The following GUCY1A2 variants were observed in gnomAD, a reference collection of about 807,000 sequenced individuals.
GUCY1A2 encodes the protein guanylate cyclase 1 soluble subunit alpha 2.
GUCY1A2 carries 27 observed loss-of-function variants against 63.5 expected under a neutral mutation model. That is an observed-to-expected ratio of 0.43 (90% CI 0.31 to 0.59). The LOEUF (loss-of-function observed/expected upper bound fraction) is 0.59. Ranked by LOEUF, GUCY1A2 falls within the 20% of genes least tolerant of loss-of-function variation. GUCY1A2 has a pLI of 0.11. For synonymous variants in GUCY1A2, 364 were observed against 343.5 expected, an observed-to-expected ratio of 1.06 and a Z score of -0.66; for missense variants, 768 against 913.3, an observed-to-expected ratio of 0.84 and a Z score of 2.05.
At chr11:106,998,880 A>G (rs1425538604) in intron 1 of GUCY1A2, among the ~76,000 whole-genome samples, 1 of 152,158 alleles carries the variant, frequency 6.6e-6, no homozygotes. Flanking sequence ...TTTTGTTTTT[A>G]CTTCCCAATG....
At chr11:106,932,426 CTAAT>C (rs1424894198) in intron 4 of GUCY1A2, among the ~76,000 whole-genome samples, 2 of 152,210 alleles carry the variant, frequency 1.3e-5, no homozygotes, top group Admixed American at 6.5e-5. Flanking sequence ...TAACCTTATA[CTAAT>C]TTTTAAAAAC....
chr11:107,002,823 T>A (rs1248581425), intron 1 of GUCY1A2, among the ~76,000 whole-genome samples: 1 of 152,136 alleles, frequency 6.6e-6, no homozygotes, highest in Non-Finnish European at 1.5e-5. Context: ...TACTGGCCAA[T>A]GACTAAGTTA....
chr11:106,852,919 G>C (rs1011785501), intron 4 of GUCY1A2, among the ~76,000 whole-genome samples: 2 of 152,148 alleles, frequency 1.3e-5, no homozygotes, highest in African/African-American at 4.8e-5. Flanking sequence ...GCTGGATATA[G>C]GAGTTTTGGC....
chr11:106,932,753 G>T (rs1266266620), intron 4 of GUCY1A2, among the ~76,000 whole-genome samples: 1 of 152,056 alleles, frequency 6.6e-6, no homozygotes, highest in Non-Finnish European at 1.5e-5. Context: ...AAAATAGCTT[G>T]GTATTATTAC....
chr11:106,886,809 C>T (rs1325055833), intron 4 of GUCY1A2, among the ~76,000 whole-genome samples: 1 of 152,116 alleles, frequency 6.6e-6, no homozygotes, highest in African/African-American at 2.4e-5. Context: ...AATCATATTT[C>T]TAAATTTGAT....
chr11:106,866,163 T>C (rs1859589688), intron 4 of GUCY1A2, among the ~76,000 whole-genome samples: 1 of 151,950 alleles, frequency 6.6e-6, no homozygotes, highest in South Asian at 2.1e-4. Context: ...GCTCTGGCAG[T>C]AATGAACCTG....
chr11:106,852,725 G>C (rs1859372991), intron 4 of GUCY1A2, among the ~76,000 whole-genome samples: 1 of 151,980 alleles, frequency 6.6e-6, no homozygotes, highest in South Asian at 2.1e-4. Context: ...TTGTTGAGGA[G>C]TTTTGCATCT....
chr11:107,017,969 G>C lies in GUCY1A2; in HGVS notation c.87C>G (p.Cys29Trp). ...CATTCCAGCAGAGCCTAGACAGGGG[G>C]CACTCCCCCTCCTCCTCCGGGCTGG... is the stretch of plus-strand genomic sequence containing the variant. The part of the protein sequence containing the change: ...LETSPEEEGE[C>W]PLSRLCWNGS... The change falls in exon 1 of 8, where the codon TGC becomes TGG. Residue 29 changes from cysteine (C) to tryptophan (W), a missense_variant. Cys to Trp is a radical substitution (Grantham distance 215). Around this residue, in one of 3 missense-constraint regions of GUCY1A2, gnomAD observed 496 missense variants for 486.9 expected, o/e 1.02. Transcript: ENST00000526355. 2 of 1,442,890 alleles carry C rather than the reference G, an allele frequency of 1.4e-6. No individual in the cohort carries two copies. The highest frequency in any genetic ancestry group is 1.8e-6 in the Non-Finnish European group (2 of 1,085,808). The allele number at this position is 1,442,890 out of a possible 1,614,324, so 89.4% of individuals were successfully genotyped here.
chr11:106,987,475 A>C (rs1305600926), intron 1 of GUCY1A2, among the ~76,000 whole-genome samples: 1 of 152,054 alleles, frequency 6.6e-6, no homozygotes, highest in African/African-American at 2.4e-5. Flanking sequence ...AATTGGTGAA[A>C]CCCTGTCTCT....
At chr11:106,945,047 T>A (rs1018390198) in intron 3 of GUCY1A2, among the ~76,000 whole-genome samples, 69 of 151,156 alleles carry the variant, frequency 4.6e-4, no homozygotes, top group Admixed American at 1.8e-3. Context: ...CCCTGAACCA[T>A]GGAAAATCCT....
intron 4 of GUCY1A2, among the ~76,000 whole-genome samples, chr11:106,823,495 T>C (rs1319542623): frequency 1.3e-5 from 2 of 152,162 alleles, no homozygotes; most frequent in Non-Finnish European, 2.9e-5. Context: ...AAATCAACAG[T>C]TGGTAAACAC....
intron 4 of GUCY1A2, among the ~76,000 whole-genome samples, chr11:106,812,732 T>C (rs903047996): frequency 6.6e-6 from 1 of 151,960 alleles, no homozygotes; most frequent in Non-Finnish European, 1.5e-5. Flanking sequence ...ATAGCAAATA[T>C]GTCCTTGACT....
chr11:106,797,887 G>T (rs1361340895), intron 5 of GUCY1A2, among the ~76,000 whole-genome samples: 1 of 152,088 alleles, frequency 6.6e-6, no homozygotes, highest in Non-Finnish European at 1.5e-5. Flanking sequence ...ACATTCAAAA[G>T]CTAGCAGAAG....
intron 4 of GUCY1A2, among the ~76,000 whole-genome samples, chr11:106,909,181 T>C (rs1413691229): frequency 6.6e-6 from 1 of 151,892 alleles, no homozygotes; most frequent in Non-Finnish European, 1.5e-5. Flanking sequence ...AAACTTTTTA[T>C]TTTGAGATAA....
At chr11:106,952,210 T>A (rs914254083) in intron 3 of GUCY1A2, among the ~76,000 whole-genome samples, 102 of 152,218 alleles carry the variant, frequency 6.7e-4, no homozygotes, top group African/African-American at 2.2e-3. Context: ...AGGATTGTCT[T>A]GACTATACAG....
At chr11:106,844,256 T>G (rs933329570) in intron 4 of GUCY1A2, among the ~76,000 whole-genome samples, 10 of 151,880 alleles carry the variant, frequency 6.6e-5, no homozygotes, top group Non-Finnish European at 1.3e-4. Context: ...CCATTCTGCT[T>G]ATATGATTTC....
chr11:106,977,994 T>C (rs1214666668), intron 3 of GUCY1A2, among the ~76,000 whole-genome samples: 1 of 152,116 alleles, frequency 6.6e-6, no homozygotes, highest in Non-Finnish European at 1.5e-5. Flanking sequence ...TCAGGTAGTA[T>C]GGTAGTACAG....
At chr11:106,871,697 A>T (rs777672333) in intron 4 of GUCY1A2, among the ~76,000 whole-genome samples, 1 of 152,182 alleles carries the variant, frequency 6.6e-6, no homozygotes, top group Non-Finnish European at 1.5e-5. Flanking sequence ...TGAAATGGAC[A>T]TATTTCTGGG....
chr11:106,966,985 G>A (rs1203818179), intron 3 of GUCY1A2, among the ~76,000 whole-genome samples: 1 of 152,202 alleles, frequency 6.6e-6, no homozygotes, highest in East Asian at 1.9e-4. Flanking sequence ...TGAGGTACTA[G>A]AAGTGAATGA....
Sources: allele counts gnomAD v4.1 joint callset (sites outside exome capture counted in the v4.1 genomes callset), GRCh38; gene constraint gnomAD v4.1.1; regional missense constraint gnomAD v4.1.1; transcripts MANE v1.5; gene names NCBI Gene and HGNC (gene_info 2026-07-23, HGNC 2026-07-21).